Variants in IMMP1L observed in about 807,000 individuals in gnomAD.
The protein encoded by IMMP1L is inner mitochondrial membrane peptidase subunit 1, also known as mitochondrial inner membrane protease subunit 1.
A neutral mutation model predicts 21.8 loss-of-function variants in IMMP1L; 24 were observed. The observed-to-expected ratio is 1.10, with a 90% CI of 0.80 to 1.55. The LOEUF is 1.55. IMMP1L is among the 40% of genes most tolerant of loss of function. The probability of loss-of-function intolerance (pLI) is 0.00; values close to 1 mark genes in which losing one functional copy is unlikely to be tolerated. For synonymous variants in IMMP1L, 46 were observed against 62.8 expected (o/e 0.73, Z 1.26); for missense variants, 195 against 200.7 (o/e 0.97, Z 0.17).
At chr11:31,477,508 TTTG>T (rs1422869019) in intron 1 of IMMP1L, 18 of 980,280 alleles carry the variant, frequency 1.8e-5, no homozygotes, top group Middle Eastern at 5.3e-4. Flanking sequence ...GACCTGATTT[TTTG>T]TTGTTGTTGT....
intron 4 of IMMP1L, among the ~76,000 whole-genome samples, chr11:31,436,574 A>T (rs1953127997): frequency 6.6e-6 from 1 of 152,034 alleles, no homozygotes; most frequent in Non-Finnish European, 1.5e-5. Flanking sequence ...CTGGGATTAT[A>T]GGTGTCCACC....
chr11:31,439,084 TTC>T (rs1953225858), intron 4 of IMMP1L, among the ~76,000 whole-genome samples: 3 of 152,180 alleles, frequency 2.0e-5, no homozygotes, highest in South Asian at 4.1e-4. Context: ...GGTTAAGATT[TTC>T]TCTGTCTTCC....
intron 1 of IMMP1L, among the ~76,000 whole-genome samples, chr11:31,494,485 A>G (rs1592036876): frequency 6.6e-6 from 1 of 152,258 alleles, no homozygotes; most frequent in East Asian, 1.9e-4. Context: ...GCCTGTGATG[A>G]AAGGGCTGCC....
At chr11:31,456,675 A>G (rs892307244) in intron 3 of IMMP1L, among the ~76,000 whole-genome samples, 1 of 151,982 alleles carries the variant, frequency 6.6e-6, no homozygotes, top group African/African-American at 2.4e-5. Flanking sequence ...CATTGTATCC[A>G]GTATGCTTTA....
chr11:31,486,411 C>T (rs1955078766), intron 1 of IMMP1L, among the ~76,000 whole-genome samples: 1 of 151,862 alleles, frequency 6.6e-6, no homozygotes, highest in African/African-American at 2.4e-5. Flanking sequence ...AACAGAGTTA[C>T]TGCATTAGGT....
chr11:31,451,912 T>C (rs1376990742), intron 4 of IMMP1L, among the ~76,000 whole-genome samples: 1 of 152,136 alleles, frequency 6.6e-6, no homozygotes, highest in African/African-American at 2.4e-5. Context: ...AGAAGAAAGA[T>C]AGGAAAAAAA....
chr11:31,484,839 A>G (rs1449992058), intron 1 of IMMP1L, among the ~76,000 whole-genome samples: 1 of 151,928 alleles, frequency 6.6e-6, no homozygotes, highest in African/African-American at 2.4e-5. Flanking sequence ...TAAACTACAT[A>G]AAGCTCTTGG....
At chr11:31,450,816 C>A (rs1267332215) in intron 4 of IMMP1L, among the ~76,000 whole-genome samples, 3 of 152,084 alleles carry the variant, frequency 2.0e-5, no homozygotes, top group African/African-American at 7.2e-5. Context: ...AAGAAACTAG[C>A]ACCCTATTCA....
At chr11:31,437,511 G>A (rs2133546087) in intron 4 of IMMP1L, among the ~76,000 whole-genome samples, 1 of 152,180 alleles carries the variant, frequency 6.6e-6, no homozygotes, top group East Asian at 1.9e-4. Flanking sequence ...AAAACATAAT[G>A]TTTGCAATTA....
intron 4 of IMMP1L, among the ~76,000 whole-genome samples, chr11:31,445,167 TC>T (rs918082290): frequency 6.6e-6 from 1 of 152,248 alleles, no homozygotes. Flanking sequence ...AAAGGGTATT[TC>T]AGACTGTAGT....
chr11:31,475,634 C>T (rs1344984263), intron 1 of IMMP1L, among the ~76,000 whole-genome samples: 2 of 152,158 alleles, frequency 1.3e-5, no homozygotes, highest in African/African-American at 4.8e-5. Flanking sequence ...AAATAATTCC[C>T]TTAAGTCTTA....
chr11:31,500,884 A>T (rs1314415825), intron 1 of IMMP1L, among the ~76,000 whole-genome samples: 2 of 152,226 alleles, frequency 1.3e-5, no homozygotes, highest in Non-Finnish European at 2.9e-5. Context: ...GACCATATGG[A>T]CTACAAGGCC....
At chr11:31,460,569 C>A in intron 3 of IMMP1L, 57 bp downstream of exon 3, 2 of 1,051,370 alleles carry the variant, frequency 1.9e-6, no homozygotes, top group Non-Finnish European at 1.5e-6. Context: ...GCAGAAAAGC[C>A]ACAATGTGTG....
rs1390159545 is a variant in IMMP1L at position 31,463,282 on chromosome 11, T to C, written c.-6A>G. On this transcript the variant is annotated 5_prime_UTR_variant, in exon 2 of 6. It adds an upstream start codon to the 5' untranslated region. Transcript: ENST00000532287. Reference sequence around the variant, plus strand: ...CCCAGAACACCACGAAGCATAGTTCTATGTAGACTCTGCCACCATTGGCCT... The same window carrying C: ...CCCAGAACACCACGAAGCATAGTTCCATGTAGACTCTGCCACCATTGGCCT... 6.2e-7 allele frequency: 1 copy of C among 1,602,388 alleles called. No homozygotes were observed. The highest frequency in any genetic ancestry group is 8.5e-7 in the Non-Finnish European group (1 of 1,176,124).
At chr11:31,472,223 C>T (rs1954577540) in intron 1 of IMMP1L, among the ~76,000 whole-genome samples, 1 of 152,200 alleles carries the variant, frequency 6.6e-6, no homozygotes, top group African/African-American at 2.4e-5. Context: ...AGGATGCAGA[C>T]ATCTTTGGAG....
At chr11:31,435,012 G>A (rs1953071989) in intron 4 of IMMP1L, among the ~76,000 whole-genome samples, 1 of 152,164 alleles carries the variant, frequency 6.6e-6, no homozygotes, top group Admixed American at 6.5e-5. Flanking sequence ...TTAACATTCT[G>A]AAGTGTTATT....
intron 4 of IMMP1L, chr11:31,452,219 G>A: frequency 2.0e-6 from 2 of 984,578 alleles, no homozygotes; most frequent in Non-Finnish European, 2.4e-6. Context: ...TTTACAACAT[G>A]TTTGTTGATA....
intron 1 of IMMP1L, among the ~76,000 whole-genome samples, chr11:31,467,966 T>C (rs1009948323): frequency 1.3e-5 from 2 of 151,912 alleles, no homozygotes; most frequent in Non-Finnish European, 2.9e-5. Context: ...CTAAATCTGA[T>C]CATGAACAAT....
chr11:31,501,280 T>C (rs796951779), intron 1 of IMMP1L, among the ~76,000 whole-genome samples: 15 of 152,280 alleles, frequency 9.9e-5, no homozygotes, highest in African/African-American at 3.6e-4. Flanking sequence ...CCAAAAAGCA[T>C]GTGTTGAAAA....
Sources: gnomAD v4.1 joint callset for allele counts (sites outside exome capture counted in the v4.1 genomes callset) on GRCh38, gnomAD v4.1.1 for gene constraint, MANE v1.5 for transcripts, NCBI Gene and HGNC (gene_info 2026-07-23, HGNC 2026-07-21) for gene names.